The following RBM47 variants were observed in gnomAD, a reference collection of about 807,000 sequenced individuals.
RBM47 encodes RNA-binding protein 47.
In RBM47, 21 loss-of-function variants were observed where a neutral mutation model predicts 47.1. The observed-to-expected ratio is 0.45, with a 90% CI of 0.32 to 0.64. The LOEUF (loss-of-function observed/expected upper bound fraction) is 0.64. Ranked by LOEUF, RBM47 falls within the 30% of genes least tolerant of loss-of-function variation. RBM47 has a pLI of 0.05. For missense variants in RBM47, 708 were observed against 870.9 expected (o/e 0.81, Z 2.35); for synonymous variants, 375 against 361.7 (o/e 1.04, Z -0.42).
chr4:40,577,125 C>G (rs535342785), intron 1 of RBM47, among the ~76,000 whole-genome samples: 2 of 152,286 alleles, frequency 1.3e-5, no homozygotes, highest in South Asian at 2.1e-4. Flanking sequence ...AAGAGGAAAC[C>G]CTGAGTGAGT....
chr4:40,488,607 G>C (rs945854549), intron 2 of RBM47, among the ~76,000 whole-genome samples: 1 of 152,154 alleles, frequency 6.6e-6, no homozygotes, highest in African/African-American at 2.4e-5. Flanking sequence ...CCGCAAGTGA[G>C]AAGTGTATCT....
At chr4:40,525,328 CA>C (rs540017619) in intron 2 of RBM47, among the ~76,000 whole-genome samples, 149 of 152,216 alleles carry the variant, frequency 9.8e-4, no homozygotes, top group African/African-American at 3.4e-3. Flanking sequence ...CGACTATTAG[CA>C]CACCTGTAGT....
intron 2 of RBM47, among the ~76,000 whole-genome samples, chr4:40,499,585 T>C (rs957722798): frequency 6.6e-6 from 1 of 152,054 alleles, no homozygotes; most frequent in Non-Finnish European, 1.5e-5. Flanking sequence ...AATCTTTTTA[T>C]TTTTAGTAGA....
Position 40,432,693 on chromosome 4 carries a change from T to C in RBM47, c.1500A>G (p.Ala500=). ...TCGACACAGTGGGAATGACAGCGGC[T>C]GCGGCGGCTGCGGCCGCGGCTGCGG... The part of the protein sequence containing the change: ...AAAAAAAAAA[A]AAVIPTVSTP... The change falls in exon 6 of 7, where the codon GCA becomes GCG. Residue 500 remains alanine, a synonymous_variant. Coordinates refer to ENST00000295971, the MANE Select transcript of RBM47 (RefSeq NM_001098634.2). 3 of 1,598,898 alleles carry C rather than the reference T, an allele frequency of 1.9e-6. No individual in the cohort carries two copies. Among genetic ancestry groups the C allele is most frequent in the South Asian group, 2.2e-5 (2 of 89,754 alleles).
chr4:40,531,475 G>A (rs551091878), intron 2 of RBM47, among the ~76,000 whole-genome samples: 1 of 152,102 alleles, frequency 6.6e-6, no homozygotes, highest in South Asian at 2.1e-4. Flanking sequence ...GGGATAGGCG[G>A]AAGGGTGGGT....
chr4:40,531,892 G>A (rs554303719), intron 2 of RBM47, among the ~76,000 whole-genome samples: 2 of 152,120 alleles, frequency 1.3e-5, no homozygotes, highest in African/African-American at 2.4e-5. Flanking sequence ...AGTGAGGCAG[G>A]GGGGTGAGGA....
At chr4:40,469,745 G>A (rs549591329) in intron 2 of RBM47, among the ~76,000 whole-genome samples, 1 of 152,154 alleles carries the variant, frequency 6.6e-6, no homozygotes, top group Admixed American at 6.5e-5. Context: ...AGCCATGAAA[G>A]GCACATCTGT....
At chr4:40,437,090 A>AAAAAAAAAAAAATATATATATAT (rs1256296949) in intron 4 of RBM47, among the ~76,000 whole-genome samples, 3 of 49,792 alleles carry the variant, frequency 6.0e-5, no homozygotes, top group East Asian at 7.7e-4. Flanking sequence ...AAAAAAAAAA[A>AAAAAAAAAAAAATATATATATAT]ATATATATAT....
intron 2 of RBM47, among the ~76,000 whole-genome samples, chr4:40,535,165 TGGC>T (rs1727817217): frequency 6.6e-6 from 1 of 152,126 alleles, no homozygotes; most frequent in South Asian, 2.1e-4. Context: ...TCCTTATGCC[TGGC>T]ATATAGTGAA....
intron 1 of RBM47, among the ~76,000 whole-genome samples, chr4:40,589,578 G>A (rs942886345): frequency 4.6e-5 from 7 of 151,706 alleles, no homozygotes; most frequent in Non-Finnish European, 7.4e-5. Context: ...CTGGGATTAC[G>A]AGCACACACC....
chr4:40,462,387 C>T (rs970258620), intron 3 of RBM47, among the ~76,000 whole-genome samples: 1 of 152,156 alleles, frequency 6.6e-6, no homozygotes, highest in Non-Finnish European at 1.5e-5. Flanking sequence ...CTATAGCCCA[C>T]AATTCCCAAC....
At chr4:40,446,627 T>C (rs1327681336) in intron 3 of RBM47, among the ~76,000 whole-genome samples, 1 of 150,336 alleles carries the variant, frequency 6.7e-6, no homozygotes, top group Non-Finnish European at 1.5e-5. Flanking sequence ...TGGTCCCAGC[T>C]ATTTGGGAGG....
At position 40,573,280 on chromosome 4, in the gene RBM47, G is replaced by T. The variant is rs1269654703; in HGVS notation, c.-239-28774C>A. ...GCATTTTTTAAAGACATTAATTCCA[G>T]TTATCCCTGGTACTGGGACTGCAGG... is the stretch of plus-strand genomic sequence containing the variant. On this transcript the variant is annotated intron_variant, in intron 1 of 6. Coordinates refer to ENST00000295971, the MANE Select transcript of RBM47 (RefSeq NM_001098634.2). Among the ~76,000 whole-genome samples the T allele has an allele frequency of 3.3e-5, 5 of 151,754 alleles. No homozygotes were observed. In the East Asian group the frequency reaches 9.6e-4, roughly 29 times the overall value.
intron 2 of RBM47, among the ~76,000 whole-genome samples, chr4:40,538,617 G>A (rs1033600063): frequency 1.3e-5 from 2 of 151,612 alleles, no homozygotes; most frequent in Non-Finnish European, 2.9e-5. Flanking sequence ...AAGCCATGGC[G>A]CCCAGGCTTT....
intron 3 of RBM47, among the ~76,000 whole-genome samples, chr4:40,442,860 G>T (rs1027025832): frequency 6.6e-6 from 1 of 152,076 alleles, no homozygotes; most frequent in South Asian, 2.1e-4. Flanking sequence ...TTTTAGTACA[G>T]GTGGGGTTTC....
chr4:40,478,009 C>CTTTTTTTT (rs1194806938), intron 2 of RBM47, among the ~76,000 whole-genome samples: 10 of 86,376 alleles, frequency 1.2e-4, no homozygotes, highest in East Asian at 3.7e-4. Context: ...GTGGCATGTT[C>CTTTTTTTT]TTTTTTTTTT....
At chr4:40,625,598 G>T (rs1021877065) in intron 1 of RBM47, among the ~76,000 whole-genome samples, 1 of 152,064 alleles carries the variant, frequency 6.6e-6, no homozygotes, top group African/African-American at 2.4e-5. Context: ...ACCCCAGCTG[G>T]TGGATACTCA....
intron 2 of RBM47, among the ~76,000 whole-genome samples, chr4:40,523,057 C>CGGG (rs1726357116): frequency 6.6e-6 from 1 of 150,708 alleles, no homozygotes; most frequent in Non-Finnish European, 1.5e-5. Context: ...CCTCTGCCTC[C>CGGG]GGGGTTCAAG....
intron 1 of RBM47, among the ~76,000 whole-genome samples, chr4:40,546,942 T>A (rs987853874): frequency 2.0e-5 from 3 of 152,200 alleles, no homozygotes; most frequent in Non-Finnish European, 2.9e-5. Flanking sequence ...GAAAAGCACC[T>A]AAGTTCTACC....
Sources: gnomAD v4.1 joint callset for allele counts (sites outside exome capture counted in the v4.1 genomes callset) on GRCh38, gnomAD v4.1.1 for gene constraint, MANE v1.5 for transcripts, NCBI Gene and HGNC (gene_info 2026-07-23, HGNC 2026-07-21) for gene names.